C16orf96: variants seen among roughly 807,000 people sequenced by gnomAD.
C16orf96 encodes the protein chromosome 16 open reading frame 96.
In C16orf96, 108 loss-of-function variants were observed where a neutral mutation model predicts 103.6. The ratio of observed to expected loss-of-function variants is 1.04; its 90% CI spans 0.89 to 1.22. The LOEUF (loss-of-function observed/expected upper bound fraction) is 1.22. Among genes scored for constraint, C16orf96 ranks in the 50% most tolerant of loss-of-function variants. The pLI, the probability that C16orf96 is intolerant of heterozygous loss-of-function variation, is 0.00. For missense variants in C16orf96, 1,586 were observed against 1,464.2 expected (o/e 1.08, Z -1.36); for synonymous variants, 566 against 593.5 (o/e 0.95, Z 0.67).
Position 4,575,077 on chromosome 16 carries a change from G to A in C16orf96, c.693+19G>A. On this transcript the variant is annotated intron_variant, in intron 4 of 15. Coordinates refer to ENST00000444310, the MANE Select transcript of C16orf96 (RefSeq NM_001145011.2). ...CACCTCAGTGAGTGAGGAAGGAAGG[G>A]GAGGTTAGCAGGAAGCTGGGGAGCA... 1.9e-6 allele frequency: 3 copies of A among 1,551,180 alleles called. No homozygotes were observed. The highest frequency in any genetic ancestry group is 2.4e-5 in the South Asian group (2 of 84,066).
Position 4,591,732 on chromosome 16 carries a change from C to G in C16orf96, c.2659C>G (p.Leu887Val). Reference protein sequence around the residue: ...MEEVWKIVRKLLIEGLRLDPD... With the variant: ...MEEVWKIVRKVLIEGLRLDPD... Reference sequence around the variant, plus strand: ...AGAGGTCTGGAAAATCGTCCGGAAGCTGCTGATTGAGGGCTTAAGACTGGA... The same window carrying G: ...AGAGGTCTGGAAAATCGTCCGGAAGGTGCTGATTGAGGGCTTAAGACTGGA... Residue 887 changes from leucine to valine, a missense_variant, in exon 10 of 16, where the codon CTG (leucine) becomes GTG (valine). Coordinates refer to ENST00000444310, the MANE Select transcript of C16orf96 (RefSeq NM_001145011.2). The G allele has an allele frequency of 3.9e-6, 6 of 1,551,708 alleles. No homozygotes were observed. The highest frequency in any genetic ancestry group is 2.7e-5 in the African/African-American group (2 of 73,170).
chr16:4,588,755 C>G (rs770402336), intron 9 of C16orf96, among the ~76,000 whole-genome samples: 17 of 143,794 alleles, frequency 1.2e-4, no homozygotes, highest in African/African-American at 4.1e-4. Context: ...GGCACCTGCC[C>G]CATACATAGT....
intron 1 of C16orf96, among the ~76,000 whole-genome samples, chr16:4,564,726 G>A (rs550453801): frequency 6.6e-6 from 1 of 152,286 alleles, no homozygotes; most frequent in Non-Finnish European, 1.5e-5. Flanking sequence ...CACGAGAATC[G>A]CTTGAACCCG....
Position 4,600,125 on chromosome 16 carries a change from C to T in C16orf96, c.3234C>T (p.Cys1078=), listed in dbSNP as rs1174512526. The T allele has an allele frequency of 6.4e-7, 1 of 1,551,718 alleles. No individual in the cohort carries two copies. The highest frequency in any genetic ancestry group is 8.7e-7 in the Non-Finnish European group (1 of 1,147,132). The part of the protein sequence containing the change: ...CPPLCPRSSA[C]SAASGPHLTM... ...CCCTGTGCCCCCGCTCCAGTGCCTGCTCAGCTGCCTCGGGCCCTCACCTGA... is the reference window on the plus strand; with the variant it reads ...CCCTGTGCCCCCGCTCCAGTGCCTGTTCAGCTGCCTCGGGCCCTCACCTGA... The change falls in exon 16 of 16, where the codon TGC becomes TGT. Residue 1078 remains cysteine, a synonymous_variant. Coordinates refer to ENST00000444310, the MANE Select transcript of C16orf96 (RefSeq NM_001145011.2).
chr16:4,545,738 C>A, the C16orf96 span, among the ~76,000 whole-genome samples: 4 of 152,296 alleles, frequency 2.6e-5, no homozygotes, highest in East Asian at 5.8e-4. Context: ...TTGTTGTATT[C>A]GGAGTTGAGC....
At position 4,575,850 on chromosome 16, in the gene C16orf96, A is replaced by C; in HGVS notation, c.1370A>C (p.Lys457Thr). 1.3e-6 allele frequency: 2 copies of C among 1,551,300 alleles called. No homozygotes were observed. The highest frequency in any genetic ancestry group is 1.7e-6 in the Non-Finnish European group (2 of 1,146,966). ...CTCCAGCTCGCAGCTGTCCAAGTAA[A>C]GGGGGAGGAAAATGATGTCCCCAGC... is the stretch of plus-strand genomic sequence containing the variant. ...EALQLAAVQVKGEENDVPSLR... is the reference protein window; with the variant it reads ...EALQLAAVQVTGEENDVPSLR... The change falls in exon 5 of 16, where the codon AAG (lysine) becomes ACG (threonine). Residue 457 changes from lysine to threonine, a missense_variant. Physicochemically the swap from Lys to Thr is moderately conservative, Grantham distance 78. Coordinates refer to ENST00000444310, the MANE Select transcript of C16orf96 (RefSeq NM_001145011.2).
chr16:4,578,394 C>T (rs966437329), intron 5 of C16orf96, among the ~76,000 whole-genome samples: 3 of 152,042 alleles, frequency 2.0e-5, no homozygotes, highest in Non-Finnish European at 4.4e-5. Context: ...CCACCTGCCT[C>T]GGCCTCCCAC....
chr16:4,546,457 C>CTTTT, the C16orf96 span, among the ~76,000 whole-genome samples: 4 of 104,544 alleles, frequency 3.8e-5, no homozygotes, highest in Non-Finnish European at 7.3e-5. Flanking sequence ...CGCGCCCGGA[C>CTTTT]TTTTTTTTTT....
chr16:4,565,252 G>C (rs1311947481), intron 1 of C16orf96, among the ~76,000 whole-genome samples: 2 of 152,122 alleles, frequency 1.3e-5, no homozygotes, highest in Non-Finnish European at 2.9e-5. Flanking sequence ...CAACTGTCGG[G>C]GACGCACTTT....
At chr16:4,548,858 G>T in the C16orf96 span, among the ~76,000 whole-genome samples, 1 of 138,690 alleles carries the variant, frequency 7.2e-6, no homozygotes, top group Non-Finnish European at 1.6e-5. Flanking sequence ...TCCAGCCTGG[G>T]TGACAAAGTG....
At chr16:4,555,241 T>G (rs2059251289), upstream of C16orf96, among the ~76,000 whole-genome samples, 1 of 149,272 alleles carries the variant, frequency 6.7e-6, no homozygotes. Context: ...CCTGCCTGGG[T>G]AACAGAGAAA....
In C16orf96 at chr16:4,593,151, G is replaced by A. The variant is rs533920770; in HGVS notation, c.2775-73G>A. The A allele has an allele frequency of 1.2e-4, 172 of 1,396,006 alleles. 2 individuals carry two copies. In the South Asian group the frequency reaches 1.6e-3, roughly 13 times the overall value. The allele number at this position is 1,396,006 out of a possible 1,614,324, so 86.5% of individuals were successfully genotyped here. A position where few individuals can be genotyped will look rare whatever the true frequency, so the allele number is the denominator to read the frequency against. The stretch of plus-strand genomic sequence containing the variant: ...CCTCCTGCTGGGAAGGCTTCCTGGA[G>A]GGGTGGGAGACGAGCCCTCTGCTGG... On this transcript the variant is annotated intron_variant, in intron 11 of 15. Coordinates refer to ENST00000444310, the MANE Select transcript of C16orf96 (RefSeq NM_001145011.2). The surrounding 1 kb of genome is among the most constrained non-coding windows in gnomAD (Gnocchi z 4.2).
chr16:4,562,898 TC>T, intron 1 of C16orf96: 1 of 1,421,658 alleles, frequency 7.0e-7, no homozygotes, highest in Non-Finnish European at 9.8e-7. Context: ...TACCTTTTCT[TC>T]CTGGTTTCAT....
intron 14 of C16orf96, among the ~76,000 whole-genome samples, chr16:4,598,993 C>T (rs1316412163): frequency 6.6e-6 from 1 of 152,016 alleles, no homozygotes; most frequent in Admixed American, 6.6e-5. Flanking sequence ...GTGGGGCACA[C>T]CTGTAGTCCC....
At chr16:4,579,965 T>G in intron 6 of C16orf96, 50 bp from the exon 7 acceptor site, 3 of 1,465,706 alleles carry the variant, frequency 2.0e-6, no homozygotes, top group Non-Finnish European at 2.8e-6. Context: ...TTCCCGGCCA[T>G]GGTAACTTCA....
chr16:4,599,491 C>A (rs1430095409), intron 15 of C16orf96, 127 bp downstream of exon 15: 4 of 808,008 alleles, frequency 5.0e-6, no homozygotes, highest in Admixed American at 2.2e-5. Flanking sequence ...CTCCTGCCTG[C>A]TTTGCCTGCC....
At chr16:4,566,244 G>A (rs980634982) in intron 1 of C16orf96, among the ~76,000 whole-genome samples, 4 of 152,162 alleles carry the variant, frequency 2.6e-5, no homozygotes, top group Admixed American at 2.0e-4. Context: ...ATAATCTTGT[G>A]AGGAACTGCC....
At chr16:4,564,309 G>T (rs1214984595) in intron 1 of C16orf96, among the ~76,000 whole-genome samples, 2 of 152,144 alleles carry the variant, frequency 1.3e-5, no homozygotes, top group Admixed American at 1.3e-4. Context: ...GACTTGGTTG[G>T]ATATGTGCAC....
upstream of C16orf96, among the ~76,000 whole-genome samples, chr16:4,552,151 G>C (rs1228460722): frequency 1.3e-5 from 2 of 152,092 alleles, no homozygotes; most frequent in Non-Finnish European, 2.9e-5. Context: ...CATACAGCAT[G>C]AACCCTTTTA....
Sources: gnomAD v4.1 joint callset for allele counts (sites outside exome capture counted in the v4.1 genomes callset) on GRCh38, gnomAD v4.1.1 for gene constraint, Gnocchi (gnomAD v3.1) non-coding constraint, MANE v1.5 for transcripts, NCBI Gene and HGNC (gene_info 2026-07-23, HGNC 2026-07-21) for gene names.